The following ACYP2 variants were observed in gnomAD, a reference collection of about 807,000 sequenced individuals.
The protein encoded by ACYP2 is acylphosphatase 2, also known as acylphosphatase-2.
ACYP2 carries 12 observed loss-of-function variants against 11.2 expected under a neutral mutation model. The ratio of observed to expected loss-of-function variants is 1.08; its 90% CI spans 0.69 to 1.74. The LOEUF (loss-of-function observed/expected upper bound fraction) is 1.74, where lower values mean the gene tolerates loss of function less well. ACYP2 is among the 40% of genes most tolerant of loss of function. ACYP2 has a pLI of 0.00. For missense variants in ACYP2, 134 were observed against 101.9 expected, an observed-to-expected ratio of 1.31 and a Z score of -1.35; for synonymous variants, 43 against 32.2, an observed-to-expected ratio of 1.33 and a Z score of -1.13.
intron 2 of ACYP2, among the ~76,000 whole-genome samples, chr2:53,994,901 A>G (rs1004617967): frequency 2.0e-5 from 3 of 152,148 alleles, no homozygotes; most frequent in African/African-American, 7.2e-5. Flanking sequence ...TTGGGCTGAT[A>G]GTGTAAGATG....
intron 6 of ACYP2, among the ~76,000 whole-genome samples, chr2:54,210,171 A>G (rs921832869): frequency 2.7e-5 from 4 of 150,556 alleles, no homozygotes; most frequent in African/African-American, 9.7e-5. Flanking sequence ...AAAAAAAATT[A>G]ACAGAGAACC....
chr2:54,206,886 A>G (rs1005753159), intron 6 of ACYP2, among the ~76,000 whole-genome samples: 1 of 152,158 alleles, frequency 6.6e-6, no homozygotes, highest in African/African-American at 2.4e-5. Context: ...TGTAAATTTG[A>G]TGGTAGCCAA....
intron 6 of ACYP2, among the ~76,000 whole-genome samples, chr2:54,279,204 C>A (rs1454072169): frequency 6.6e-6 from 1 of 152,136 alleles, no homozygotes; most frequent in Non-Finnish European, 1.5e-5. Context: ...AGACCAGGAG[C>A]TTGCAAACGA....
intron 6 of ACYP2, among the ~76,000 whole-genome samples, chr2:54,158,018 TC>T (rs1240360473): frequency 6.6e-6 from 1 of 151,882 alleles, no homozygotes; most frequent in African/African-American, 2.4e-5. Flanking sequence ...TTTCTTTCTT[TC>T]TTTTATTATT....
chr2:53,983,851 C>T, intron 2 of ACYP2, among the ~76,000 whole-genome samples: 1 of 152,080 alleles, frequency 6.6e-6, no homozygotes, highest in Non-Finnish European at 1.5e-5. Context: ...TTTCAATGGG[C>T]CCAGTTAGGC....
At chr2:54,266,212 G>C (rs1688009960) in intron 6 of ACYP2, among the ~76,000 whole-genome samples, 2 of 152,170 alleles carry the variant, frequency 1.3e-5, no homozygotes, top group Non-Finnish European at 2.9e-5. Flanking sequence ...AGTATTACTT[G>C]TGAATATTGA....
At chr2:54,235,879 T>G (rs1572972988) in intron 6 of ACYP2, among the ~76,000 whole-genome samples, 1 of 152,194 alleles carries the variant, frequency 6.6e-6, no homozygotes, top group African/African-American at 2.4e-5. Flanking sequence ...ATAAGCTCTG[T>G]AGTGACGTTT....
chr2:54,058,753 A>G (rs1425317947), intron 4 of ACYP2, among the ~76,000 whole-genome samples: 1 of 147,714 alleles, frequency 6.8e-6, no homozygotes, highest in Non-Finnish European at 1.5e-5. Flanking sequence ...TCTCTTACAG[A>G]CTATATATTG....
Position 54,135,473 on chromosome 2 carries a change from A to T in ACYP2, c.294+4A>T. The T allele has an allele frequency of 6.2e-7, 1 of 1,606,400 alleles. No homozygotes were observed. The highest frequency in any genetic ancestry group is 8.5e-7 in the Non-Finnish European group (1 of 1,176,036). ...TACAGGTGTTTGCTTCAGAATGGTA[A>T]GTCAGTACAATCTTTATTATTTTGC... On this transcript the variant is annotated splice_donor_region_variant and intron_variant, in intron 5 of 6. Coordinates refer to ENST00000607452, the MANE Select transcript of ACYP2 (RefSeq NM_001320586.2).
At chr2:54,038,501 C>CATTT (rs1317183343) in intron 2 of ACYP2, among the ~76,000 whole-genome samples, 2 of 151,604 alleles carry the variant, frequency 1.3e-5, no homozygotes, top group Admixed American at 1.3e-4. Context: ...AGTTATTGAT[C>CATTT]ATTTAATCCT....
At chr2:54,042,272 C>T (rs1675273553) in intron 2 of ACYP2, among the ~76,000 whole-genome samples, 1 of 152,228 alleles carries the variant, frequency 6.6e-6, no homozygotes, top group Non-Finnish European at 1.5e-5. Context: ...TCCCAAAGTG[C>T]TGGGATTACA....
chr2:54,186,931 T>G (rs190764382), intron 6 of ACYP2, among the ~76,000 whole-genome samples: 41 of 152,300 alleles, frequency 2.7e-4, no homozygotes, highest in African/African-American at 9.4e-4. Flanking sequence ...AAAAAAATTA[T>G]GTAACCAAGT....
At chr2:54,277,610 G>A (rs1398569110) in intron 6 of ACYP2, among the ~76,000 whole-genome samples, 3 of 152,052 alleles carry the variant, frequency 2.0e-5, no homozygotes, top group South Asian at 2.1e-4. Flanking sequence ...CTTGGGAGGC[G>A]GAGGTTGCAG....
chr2:54,079,716 G>T (rs542421868), intron 4 of ACYP2, among the ~76,000 whole-genome samples: 187 of 152,240 alleles, frequency 1.2e-3, no homozygotes, highest in Non-Finnish European at 2.0e-3. Context: ...TTTAGGTTCG[G>T]AATAGCTTGA....
At chr2:54,212,118 T>A (rs528819454) in intron 6 of ACYP2, among the ~76,000 whole-genome samples, 27 of 152,334 alleles carry the variant, frequency 1.8e-4, no homozygotes, top group Admixed American at 5.9e-4. Flanking sequence ...TGTTAGTTTT[T>A]TAGCAGAGGC....
At chr2:54,267,181 T>G in intron 6 of ACYP2, 1 of 1,065,122 alleles carries the variant, frequency 9.4e-7, no homozygotes, top group Non-Finnish European at 1.3e-6. Flanking sequence ...TCATGTATTT[T>G]TTCATCAAGA....
intron 4 of ACYP2, among the ~76,000 whole-genome samples, chr2:54,071,378 A>G (rs1677033342): frequency 6.6e-6 from 1 of 152,166 alleles, no homozygotes; most frequent in East Asian, 1.9e-4. Context: ...TCTTGTGTGT[A>G]CAAAATACAA....
chr2:54,218,390 A>T (rs915047493), intron 6 of ACYP2, among the ~76,000 whole-genome samples: 2 of 152,204 alleles, frequency 1.3e-5, no homozygotes, highest in African/African-American at 4.8e-5. Flanking sequence ...ATGAATCACA[A>T]TTCAACTTGT....
At chr2:54,103,143 G>A (rs1325250886) in intron 4 of ACYP2, among the ~76,000 whole-genome samples, 1 of 150,590 alleles carries the variant, frequency 6.6e-6, no homozygotes, top group Non-Finnish European at 1.5e-5. Flanking sequence ...TACTGTGCCA[G>A]CAAAAGAAAA....
Sources: gnomAD v4.1 joint callset for allele counts (sites outside exome capture counted in the v4.1 genomes callset) on GRCh38, gnomAD v4.1.1 for gene constraint, MANE v1.5 for transcripts, NCBI Gene and HGNC (gene_info 2026-07-23, HGNC 2026-07-21) for gene names.